The following DMBT1 variants were observed in gnomAD, a reference collection of about 807,000 sequenced individuals.
DMBT1 encodes the protein deleted in malignant brain tumors 1, also known as scavenger receptor cysteine-rich domain-containing protein DMBT1.
DMBT1 carries 198 observed loss-of-function variants against 252.9 expected under a neutral mutation model. That is an observed-to-expected ratio of 0.78 (90% CI 0.70 to 0.88). DMBT1 has a LOEUF of 0.88. DMBT1 is among the 40% of genes least tolerant of loss of function. The pLI, the probability that DMBT1 is intolerant of heterozygous loss-of-function variation, is 0.00. For synonymous variants in DMBT1, 990 were observed against 942.7 expected, an observed-to-expected ratio of 1.05 and a Z score of -0.92; for missense variants, 2,432 against 2,404.7, an observed-to-expected ratio of 1.01 and a Z score of -0.24.
chr10:122,580,032 T>G, intron 10 of DMBT1, 131 bp downstream of exon 10: 1 of 1,502,436 alleles, frequency 6.7e-7, no homozygotes, highest in Non-Finnish European at 8.9e-7. Flanking sequence ...GTCAGCTCTC[T>G]GCTAAGAATC....
chr10:122,634,356 C>CTTTCTTTCTTTCTTTCTT (rs1555029885), intron 52 of DMBT1, among the ~76,000 whole-genome samples: 44 of 98,408 alleles, frequency 4.5e-4, no homozygotes, highest in South Asian at 1.7e-3. Context: ...TTCTTTCTTT[C>CTTTCTTTCTTTCTTTCTT]TTTCTTTCTT....
At chr10:122,638,102 A>C (rs989854230) in intron 54 of DMBT1, among the ~76,000 whole-genome samples, 1 of 152,166 alleles carries the variant, frequency 6.6e-6, no homozygotes, top group Admixed American at 6.5e-5. Flanking sequence ...TAGTCACCCT[A>C]CAAGTGGCAG....
At chr10:122,590,176 A>T (rs56862986) in intron 17 of DMBT1, among the ~76,000 whole-genome samples, 8,552 of 148,164 alleles carry the variant, frequency 0.058, 398 homozygotes, top group East Asian at 0.25. Flanking sequence ...TGTCTGTCCA[A>T]GTCTGGCCTG....
chr10:122,591,540 C>A lies in DMBT1; in HGVS notation c.2176+23C>A. ...TAGGTAAATAATCCTCTCACCCCTC[C>A]CTAGGGCTCACTCTCTACCTCTGGA... On this transcript the variant is annotated intron_variant, in intron 19 of 55. Transcript: ENST00000338354. The A allele has an allele frequency of 1.3e-6, 2 of 1,576,322 alleles. 1 individual carries two copies. The highest frequency in any genetic ancestry group is 1.7e-6 in the Non-Finnish European group (2 of 1,155,284).
intron 50 of DMBT1, among the ~76,000 whole-genome samples, chr10:122,632,643 C>T (rs2098175003): frequency 6.6e-6 from 1 of 152,166 alleles, no homozygotes; most frequent in Admixed American, 6.5e-5. Flanking sequence ...TCCTCTCCTT[C>T]CCCAGGCTTT....
chr10:122,636,032 A>G lies in DMBT1; in HGVS notation c.6590A>G (p.Asp2197Gly). Residue 2197 changes from aspartate to glycine, a missense_variant, in exon 53 of 56, where the codon GAT (aspartate) becomes GGT (glycine). Physicochemically the swap from Asp to Gly is moderately conservative, Grantham distance 94. Transcript: ENST00000338354. The stretch of plus-strand genomic sequence containing the variant: ...AACTATGATTATATTGAAGTTTTCG[A>G]TGGCCCCTACCGCAGTTCCCCTCTC... ...GCNYDYIEVF[D>G]GPYRSSPLIA... 6.2e-7 allele frequency: 1 copy of G among 1,613,986 alleles called. No homozygotes were observed. Among genetic ancestry groups the G allele is most frequent in the South Asian group, 1.1e-5 (1 of 91,082 alleles).
At position 122,630,766 on chromosome 10, in the gene DMBT1, C is replaced by T. The variant is rs553499462; in HGVS notation, c.6026-195C>T. On this transcript the variant is annotated intron_variant, in intron 48 of 55. Coordinates refer to ENST00000338354, the MANE Select transcript of DMBT1 (RefSeq NM_001377530.1). ...CCTCTCCGTCTGGAGGTGAGGGGAT[C>T]TGAGCTTGGCGATGTCTAGAGCCCC... is the stretch of plus-strand genomic sequence containing the variant. Among the ~76,000 whole-genome samples, 3 of 152,322 alleles carry T rather than the reference C, an allele frequency of 2.0e-5. No homozygotes were observed. In the South Asian group the frequency reaches 6.2e-4, roughly 32 times the overall value.
chr10:122,621,223 G>A lies in DMBT1; in HGVS notation c.5451G>A (p.Ser1817=), dbSNP rs374741257. Residue 1817 remains serine (S), a synonymous_variant, in exon 44 of 56, where the codon TCG becomes TCA. Coordinates refer to ENST00000338354, the MANE Select transcript of DMBT1 (RefSeq NM_001377530.1). ...CRQLGCGWAM[S]APGNARFGQG... ...AGCTGGGCTGTGGCTGGGCCATGTC[G>A]GCCCCAGGAAATGCCCGGTTTGGCC... is the stretch of plus-strand genomic sequence containing the variant. The A allele has an allele frequency of 9.7e-5, 157 of 1,613,774 alleles. No individual in the cohort carries two copies. The highest frequency in any genetic ancestry group is 5.3e-4 in the Admixed American group (32 of 59,976).
chr10:122,619,085 A>G (rs983525563), intron 41 of DMBT1, among the ~76,000 whole-genome samples: 1 of 152,200 alleles, frequency 6.6e-6, no homozygotes, highest in Non-Finnish European at 1.5e-5. Context: ...CCCTGGGCAG[A>G]CACAAAGTTA....
At chr10:122,590,923 T>C (rs1172396836) in intron 18 of DMBT1, among the ~76,000 whole-genome samples, 1 of 148,104 alleles carries the variant, frequency 6.8e-6, no homozygotes, top group African/African-American at 2.4e-5. Context: ...GGGAAGGCAA[T>C]TTCAGCTAAA....
Position 122,597,056 on chromosome 10 carries a change from T to A in DMBT1, c.2917+2T>A. 1.8e-6 allele frequency: 1 copy of A among 559,954 alleles called. No homozygotes were observed. The highest frequency in any genetic ancestry group is 2.4e-5 in the South Asian group (1 of 40,970). The allele number at this position is 559,954 out of a possible 1,614,324, so 34.7% of individuals were successfully genotyped here. On this transcript the variant is annotated splice_donor_variant, in intron 24 of 55. Coordinates refer to ENST00000338354, the MANE Select transcript of DMBT1 (RefSeq NM_001377530.1). LOFTEE classifies it high-confidence loss of function. ...ACTCCTGGTCGACGCCCAGTCCAGG[T>A]GAGTCCCCAGTGTCCTTCCTTGGGA...
chr10:122,636,894 A>G (rs1332090731), intron 53 of DMBT1, among the ~76,000 whole-genome samples: 1 of 152,228 alleles, frequency 6.6e-6, no homozygotes, highest in East Asian at 1.9e-4. Context: ...CCAATTCTCC[A>G]TCAGAGAAAT....
intron 2 of DMBT1, among the ~76,000 whole-genome samples, chr10:122,566,645 G>A (rs1056630750): frequency 6.6e-6 from 1 of 152,090 alleles, no homozygotes; most frequent in Admixed American, 6.6e-5. Flanking sequence ...CAGGTATCTT[G>A]AAGATAACTA....
At chr10:122,643,009 G>T (rs1844844964) in intron 55 of DMBT1, 113 bp from the exon 56 acceptor site, 2 of 1,394,178 alleles carry the variant, frequency 1.4e-6, no homozygotes, top group Non-Finnish European at 2.0e-6. Context: ...GGTGAGGTGT[G>T]CAGGAGGCAG....
intron 24 of DMBT1, 32 bp from the exon 25 acceptor site, chr10:122,597,942 A>C: frequency 6.2e-7 from 1 of 1,613,718 alleles, no homozygotes; most frequent in South Asian, 1.1e-5. Flanking sequence ...CATCAACTTT[A>C]ATTCTAGCCT....
chr10:122,619,973 G>A (rs1309373031), intron 42 of DMBT1, among the ~76,000 whole-genome samples: 1 of 152,166 alleles, frequency 6.6e-6, no homozygotes. Context: ...TGTCACATGT[G>A]CCCATCAGTC....
chr10:122,630,089 A>T, intron 47 of DMBT1, 96 bp downstream of exon 47: 1 of 1,538,064 alleles, frequency 6.5e-7, no homozygotes, highest in Non-Finnish European at 8.8e-7. Context: ...TTTCACTCTC[A>T]TGTGCCATGG....
At chr10:122,620,907 T>G in intron 43 of DMBT1, 150 bp from the exon 44 acceptor site, 1 of 1,456,488 alleles carries the variant, frequency 6.9e-7, no homozygotes, top group Non-Finnish European at 9.3e-7. Context: ...TCCACTATCA[T>G]GAAGCTGAAC....
chr10:122,579,723 G>A lies in DMBT1; in HGVS notation c.825G>A (p.Leu275=), dbSNP rs2097749499. ...TNDANVVCRQ[L]GCGWAMSAPG... is the part of the protein sequence containing the mutation. ...ATGCCAATGTGGTCTGCAGGCAGCT[G>A]GGCTGTGGCTGGGCCATGTCAGCCC... Residue 275 remains leucine, a synonymous_variant, in exon 10 of 56, where the codon CTG becomes CTA. Transcript: ENST00000338354. 1 of 1,613,764 alleles carries A rather than the reference G, an allele frequency of 6.2e-7. No homozygotes were observed. The highest frequency in any genetic ancestry group is 1.7e-5 in the Admixed American group (1 of 60,008).
Sources: allele counts gnomAD v4.1 joint callset (sites outside exome capture counted in the v4.1 genomes callset), GRCh38; gene constraint gnomAD v4.1.1; transcripts MANE v1.5; gene names NCBI Gene and HGNC (gene_info 2026-07-23, HGNC 2026-07-21).